ARHGAP15: variants seen among roughly 807,000 people sequenced by gnomAD.
ARHGAP15 encodes the protein Rho GTPase activating protein 15, also known as rho GTPase-activating protein 15.
In ARHGAP15, 51 loss-of-function variants were observed where a neutral mutation model predicts 63.7. The observed-to-expected ratio is 0.80, with a 90% confidence interval of 0.64 to 1.01. ARHGAP15 has a LOEUF of 1.01. Ranked by LOEUF, ARHGAP15 falls within the 50% of genes least tolerant of loss-of-function variation. The pLI, the probability that ARHGAP15 is intolerant of heterozygous loss-of-function variation, is 0.00. For synonymous variants in ARHGAP15, 191 were observed against 193.8 expected, an observed-to-expected ratio of 0.99 and a Z score of 0.12; for missense variants, 560 against 564.6, an observed-to-expected ratio of 0.99 and a Z score of 0.08.
At chr2:143,173,461 A>C (rs1690881256) in intron 2 of ARHGAP15, among the ~76,000 whole-genome samples, 1 of 152,112 alleles carries the variant, frequency 6.6e-6, no homozygotes, top group Non-Finnish European at 1.5e-5. Context: ...AAGGGAGGGA[A>C]TATCTCATTG....
chr2:143,647,359 T>TA (rs79292470), intron 12 of ARHGAP15, among the ~76,000 whole-genome samples: 5,322 of 136,510 alleles, frequency 0.039, 119 homozygotes, highest in South Asian at 0.051. Flanking sequence ...ACCAAGTAGT[T>TA]AAAAAAAAAA....
chr2:143,578,985 G>A (rs1256498764), intron 11 of ARHGAP15, among the ~76,000 whole-genome samples: 1 of 152,058 alleles, frequency 6.6e-6, no homozygotes. Context: ...CAGCTGAACA[G>A]AAAATGTACA....
intron 6 of ARHGAP15, among the ~76,000 whole-genome samples, chr2:143,323,570 T>C (rs762297425): frequency 6.6e-6 from 1 of 152,146 alleles, no homozygotes; most frequent in South Asian, 2.1e-4. Context: ...AATGATTCAG[T>C]GGCCCATTCT....
intron 2 of ARHGAP15, among the ~76,000 whole-genome samples, chr2:143,182,609 T>C (rs1254967459): frequency 6.6e-6 from 1 of 152,142 alleles, no homozygotes; most frequent in Non-Finnish European, 1.5e-5. Context: ...CTTGCTGCCG[T>C]TCACCAGCAA....
At position 143,173,039 on chromosome 2, in the gene ARHGAP15, A is replaced by C. The variant is rs184557775; in HGVS notation, c.165+17384A>C. On this transcript the variant is annotated intron_variant, in intron 2 of 13. Transcript: ENST00000295095. ...TGTCAGTTGACATCCATGAATTTCA[A>C]TAAAGAAGGGGTGCCCAAGAAGACT... Among the ~76,000 whole-genome samples the C allele has an allele frequency of 1.1e-3, 160 of 152,210 alleles. 1 individual carries two copies. The highest frequency in any genetic ancestry group is 3.8e-3 in the African/African-American group (157 of 41,568).
intron 7 of ARHGAP15, 91 bp from the exon 8 acceptor site, chr2:143,436,822 T>A (rs1443704516): frequency 7.3e-7 from 1 of 1,366,604 alleles, no homozygotes; most frequent in Non-Finnish European, 1.0e-6. Flanking sequence ...ACTTCAAATT[T>A]CCCCATAAAC....
chr2:143,223,244 G>C (rs147235725), intron 4 of ARHGAP15, among the ~76,000 whole-genome samples: 1 of 152,168 alleles, frequency 6.6e-6, no homozygotes, highest in Non-Finnish European at 1.5e-5. Flanking sequence ...AAAGTGCTGG[G>C]ATTATAGGTG....
intron 9 of ARHGAP15, among the ~76,000 whole-genome samples, chr2:143,510,412 T>C (rs997738771): frequency 1.4e-4 from 21 of 152,190 alleles, no homozygotes; most frequent in African/African-American, 5.1e-4. Flanking sequence ...GATTGATGAC[T>C]GGAAGTTATT....
intron 1 of ARHGAP15, among the ~76,000 whole-genome samples, chr2:143,134,298 T>C (rs1689044385): frequency 6.6e-6 from 1 of 152,188 alleles, no homozygotes; most frequent in African/African-American, 2.4e-5. Context: ...ATTTGTAACT[T>C]TTTGAACTTC....
intron 12 of ARHGAP15, among the ~76,000 whole-genome samples, chr2:143,691,964 G>T (rs1411761254): frequency 6.6e-6 from 1 of 152,152 alleles, no homozygotes; most frequent in Non-Finnish European, 1.5e-5. Context: ...ATGGAATTTG[G>T]TGTTTTAATA....
At chr2:143,502,548 A>T (rs1050164351) in intron 9 of ARHGAP15, among the ~76,000 whole-genome samples, 2 of 152,024 alleles carry the variant, frequency 1.3e-5, no homozygotes, top group Non-Finnish European at 2.9e-5. Context: ...AGCCTAGAGG[A>T]AGCTTCTGTG....
chr2:143,194,555 C>A (rs892772370), intron 2 of ARHGAP15, among the ~76,000 whole-genome samples: 1 of 152,048 alleles, frequency 6.6e-6, no homozygotes, highest in East Asian at 1.9e-4. Context: ...CTAAAAAATA[C>A]GTGATTCTAC....
intron 12 of ARHGAP15, among the ~76,000 whole-genome samples, chr2:143,638,305 G>A (rs1680428429): frequency 6.8e-6 from 1 of 148,106 alleles, no homozygotes; most frequent in African/African-American, 2.5e-5. Context: ...TATACACCAT[G>A]GAATACTATG....
chr2:143,581,141 A>G (rs1215187630), intron 11 of ARHGAP15, among the ~76,000 whole-genome samples: 2 of 152,156 alleles, frequency 1.3e-5, no homozygotes, highest in Non-Finnish European at 1.5e-5. Flanking sequence ...AACACCGTCC[A>G]TGTTTTCAGG....
chr2:143,231,304 A>G (rs1455647644), intron 5 of ARHGAP15, among the ~76,000 whole-genome samples: 1 of 152,148 alleles, frequency 6.6e-6, no homozygotes, highest in African/African-American at 2.4e-5. Context: ...TAGAGAGTAT[A>G]ATTATATTAT....
At chr2:143,471,018 T>C (rs1283885524) in intron 8 of ARHGAP15, among the ~76,000 whole-genome samples, 1 of 148,672 alleles carries the variant, frequency 6.7e-6, no homozygotes, top group African/African-American at 2.5e-5. Flanking sequence ...AAAGAAGATA[T>C]GAATATGTGT....
At chr2:143,759,301 A>G (rs896596650) in intron 13 of ARHGAP15, among the ~76,000 whole-genome samples, 3 of 152,060 alleles carry the variant, frequency 2.0e-5, no homozygotes, top group Admixed American at 6.6e-5. Flanking sequence ...TATTTATCTC[A>G]CTTATACCAC....
intron 1 of ARHGAP15, among the ~76,000 whole-genome samples, chr2:143,134,109 ATCTATC>A (rs1558765337): frequency 9.4e-5 from 1 of 10,596 alleles, no homozygotes; most frequent in African/African-American, 3.0e-4. Context: ...TTGAAAATCT[ATCTATC>A]TATCTATCTA....
intron 6 of ARHGAP15, among the ~76,000 whole-genome samples, chr2:143,328,543 A>G (rs548658173): frequency 6.6e-6 from 1 of 152,270 alleles, no homozygotes; most frequent in South Asian, 2.1e-4. Context: ...ATGAGAACAC[A>G]TGGACACAGG....
Sources: gnomAD v4.1 joint callset for allele counts (sites outside exome capture counted in the v4.1 genomes callset) on GRCh38, gnomAD v4.1.1 for gene constraint, MANE v1.5 for transcripts, NCBI Gene and HGNC (gene_info 2026-07-23, HGNC 2026-07-21) for gene names.